Variants in LAMA3 observed in about 807,000 individuals in gnomAD.
The protein encoded by LAMA3 is laminin subunit alpha 3, also known as laminin subunit alpha-3.
LAMA3 carries 281 observed loss-of-function variants against 402.0 expected under a neutral mutation model. That is an observed-to-expected ratio of 0.70 (90% CI 0.63 to 0.77). LAMA3 has a LOEUF of 0.77. LAMA3 is among the 30% of genes least tolerant of loss of function. The pLI, the probability that LAMA3 is intolerant of heterozygous loss-of-function variation, is 0.00. For missense variants in LAMA3, 3,840 were observed against 4,215.5 expected, an observed-to-expected ratio of 0.91 and a Z score of 2.47; for synonymous variants, 1,431 against 1,558.4, an observed-to-expected ratio of 0.92 and a Z score of 1.93.
chr18:23,919,554 G>A (rs1484967358), intron 60 of LAMA3, among the ~76,000 whole-genome samples: 1 of 152,244 alleles, frequency 6.6e-6, no homozygotes, highest in African/African-American at 2.4e-5. Context: ...AAATGAGGAT[G>A]TACAACATAA....
rs1363373627 is a variant in LAMA3 at position 23,810,348 on chromosome 18, T to C, written c.1604-18T>C. ...ACCTGCAACCCCCGCCTAAGTCTGA[T>C]TGAATTCTTTCATCCAGCCTGCTGG... is the stretch of plus-strand genomic sequence containing the variant. On this transcript the variant is annotated intron_variant, in intron 12 of 74. Transcript: ENST00000313654. 6.2e-7 allele frequency: 1 copy of C among 1,613,772 alleles called. No individual in the cohort carries two copies. Among genetic ancestry groups the C allele is most frequent in the Admixed American group, 1.7e-5 (1 of 60,012 alleles).
At chr18:23,852,356 T>A (rs561301552) in intron 32 of LAMA3, among the ~76,000 whole-genome samples, 7 of 152,398 alleles carry the variant, frequency 4.6e-5, no homozygotes, top group African/African-American at 1.7e-4. Context: ...TACATGTTTA[T>A]GATTTTATCT....
At chr18:23,752,577 C>T (rs916735866) in intron 5 of LAMA3, among the ~76,000 whole-genome samples, 2 of 152,080 alleles carry the variant, frequency 1.3e-5, no homozygotes, top group African/African-American at 2.4e-5. Flanking sequence ...CTGCTGCTGC[C>T]CTTAATACGT....
At chr18:23,840,029 C>A in intron 27 of LAMA3, 100 bp downstream of exon 27, 1 of 1,274,544 alleles carries the variant, frequency 7.8e-7, no homozygotes, top group Non-Finnish European at 1.1e-6. Context: ...GATTCACAGA[C>A]CCACTACAGA....
chr18:23,815,391 G>T, intron 16 of LAMA3, 77 bp from the exon 17 acceptor site: 1 of 1,405,584 alleles, frequency 7.1e-7, no homozygotes, highest in Non-Finnish European at 1.0e-6. Context: ...ATTATACAGT[G>T]AGGCAGTTTT....
intron 3 of LAMA3, among the ~76,000 whole-genome samples, chr18:23,748,694 C>G (rs2061694542): frequency 6.6e-6 from 1 of 151,050 alleles, no homozygotes; most frequent in African/African-American, 2.4e-5. Flanking sequence ...ACTCGGGAGG[C>G]TGAGGTGGGA....
intron 1 of LAMA3, among the ~76,000 whole-genome samples, chr18:23,712,922 C>T (rs1266419432): frequency 6.6e-6 from 1 of 151,702 alleles, no homozygotes; most frequent in Non-Finnish European, 1.5e-5. Flanking sequence ...TATGTGAAGT[C>T]CATCCCTGGG....
At chr18:23,921,219 T>C (rs771195287) in intron 61 of LAMA3, among the ~76,000 whole-genome samples, 165 bp downstream of exon 61, 1 of 152,236 alleles carries the variant, frequency 6.6e-6, no homozygotes, top group Non-Finnish European at 1.5e-5. Context: ...CGGCATGAAA[T>C]GTATAACATA....
intron 41 of LAMA3, among the ~76,000 whole-genome samples, chr18:23,889,533 G>A (rs2080569646): frequency 6.6e-6 from 1 of 151,188 alleles, no homozygotes; most frequent in Non-Finnish European, 1.5e-5. Context: ...TTGTACTCCA[G>A]CCTGGAGAAC....
At chr18:23,822,170 TGAATA>T in intron 19 of LAMA3, 77 bp from the exon 20 acceptor site, 2 of 1,491,514 alleles carry the variant, frequency 1.3e-6, no homozygotes, top group Non-Finnish European at 1.9e-6. Context: ...TAGTGACACT[TGAATA>T]GAATAAAGTC....
Position 23,815,462 on chromosome 18 carries a change from C to A in LAMA3, c.1942-6C>A. On this transcript the variant is annotated splice_region_variant and splice_polypyrimidine_tract_variant and intron_variant, in intron 16 of 74. Transcript: ENST00000313654. ...AAATGTTGTCATCTGGCTCACTGTT[C>A]TGCAGGGAGATGGTGACTGTCACTG... 1 of 1,606,388 alleles carries A rather than the reference C, an allele frequency of 6.2e-7. No homozygotes were observed. The highest frequency in any genetic ancestry group is 1.3e-5 in the African/African-American group (1 of 74,862).
Position 23,793,063 on chromosome 18 carries a change from G to A in LAMA3, c.1603+8906G>A, listed in dbSNP as rs79232474. On this transcript the variant is annotated intron_variant, in intron 12 of 74. Coordinates refer to ENST00000313654, the MANE Select transcript of LAMA3 (RefSeq NM_198129.4). ...CGGTTTGGAGGCAGAGGGAAGGGAA[G>A]GAACTGTAGACAGAGCACTTCCACA... 6.9e-3 allele frequency among the ~76,000 whole-genome samples: 1,054 copies of A among 152,312 alleles called. 10 individuals are homozygous for A. The highest frequency in any genetic ancestry group is 0.024 in the African/African-American group (1,014 of 41,564).
chr18:23,873,150 C>G, intron 38 of LAMA3: 2 of 1,614,148 alleles, frequency 1.2e-6, no homozygotes, highest in Non-Finnish European at 1.7e-6. Flanking sequence ...GCAAAGGGTG[C>G]CATTTCTTCA....
At chr18:23,815,075 C>A in intron 15 of LAMA3, 113 bp from the exon 16 acceptor site, 1 of 898,542 alleles carries the variant, frequency 1.1e-6, no homozygotes, top group Non-Finnish European at 1.8e-6. Context: ...TTCTGTTGAA[C>A]TGCGCTGGCA....
At chr18:23,872,941 C>T (rs2064574337) in intron 38 of LAMA3, 4 of 1,475,044 alleles carry the variant, frequency 2.7e-6, no homozygotes, top group Non-Finnish European at 3.7e-6. Context: ...CGCAGACAGC[C>T]TTCCTCACCT....
intron 1 of LAMA3, among the ~76,000 whole-genome samples, chr18:23,699,143 T>G (rs182139731): frequency 6.6e-6 from 1 of 151,388 alleles, no homozygotes; most frequent in South Asian, 2.1e-4. Context: ...CACAACGAGG[T>G]TGGGAGAGGG....
intron 64 of LAMA3, among the ~76,000 whole-genome samples, chr18:23,930,375 G>A (rs552550612): frequency 6.6e-6 from 1 of 152,234 alleles, no homozygotes; most frequent in South Asian, 2.1e-4. Context: ...AAAAATTGAG[G>A]AATCGAGTCT....
At chr18:23,824,964 G>A (rs976204109) in intron 21 of LAMA3, among the ~76,000 whole-genome samples, 8 of 152,234 alleles carry the variant, frequency 5.3e-5, no homozygotes, top group Admixed American at 4.6e-4. Flanking sequence ...ATAAGAACTA[G>A]CAACTTCACC....
chr18:23,835,256 A>C (rs2063559130), intron 24 of LAMA3, among the ~76,000 whole-genome samples: 2 of 152,130 alleles, frequency 1.3e-5, no homozygotes, highest in East Asian at 1.9e-4. Flanking sequence ...TCCAGATCCC[A>C]TGGCTTGACT....
Sources: allele counts gnomAD v4.1 joint callset (sites outside exome capture counted in the v4.1 genomes callset), GRCh38; gene constraint gnomAD v4.1.1; transcripts MANE v1.5; gene names NCBI Gene and HGNC (gene_info 2026-07-23, HGNC 2026-07-21).